DCDC1: variants seen among roughly 807,000 people sequenced by gnomAD.
The protein encoded by DCDC1 is doublecortin domain-containing protein 1.
DCDC1 carries 200 observed loss-of-function variants against 178.3 expected under a neutral mutation model. That is an observed-to-expected ratio of 1.12 (90% CI 1.00 to 1.26). DCDC1 has a LOEUF of 1.26. Ranked by LOEUF, DCDC1 falls within the 50% of genes most tolerant of loss-of-function variation. The probability of loss-of-function intolerance (pLI) is 0.00; values close to 1 mark genes in which losing one functional copy is unlikely to be tolerated. For synonymous variants in DCDC1, 690 were observed against 604.8 expected (o/e 1.14, Z -2.07); for missense variants, 1,983 against 1,749.2 (o/e 1.13, Z -2.38).
chr11:30,878,107 C>A (rs2133958162), intron 38 of DCDC1, among the ~76,000 whole-genome samples: 1 of 152,126 alleles, frequency 6.6e-6, no homozygotes, highest in South Asian at 2.1e-4. Flanking sequence ...TTTCCAGGAA[C>A]AAACTTGAGG....
intron 9 of DCDC1, among the ~76,000 whole-genome samples, chr11:31,148,403 C>A (rs937982104): frequency 5.3e-5 from 8 of 151,372 alleles, no homozygotes; most frequent in African/African-American, 1.9e-4. Flanking sequence ...AAAAAACTAG[C>A]CAGGCATGGG....
intron 37 of DCDC1, among the ~76,000 whole-genome samples, chr11:30,879,474 C>T (rs773912233): frequency 6.6e-6 from 1 of 152,074 alleles, no homozygotes; most frequent in Non-Finnish European, 1.5e-5. Context: ...TCAGAGATTT[C>T]CTGTATCCTG....
intron 9 of DCDC1, among the ~76,000 whole-genome samples, chr11:31,158,139 C>T (rs1965923736): frequency 2.0e-5 from 3 of 152,128 alleles, no homozygotes; most frequent in South Asian, 2.1e-4. Context: ...GACGGAGTCT[C>T]GCTCTGTCAC....
intron 20 of DCDC1, among the ~76,000 whole-genome samples, chr11:30,991,637 A>T (rs1040229154): frequency 4.6e-5 from 7 of 152,110 alleles, no homozygotes; most frequent in African/African-American, 1.7e-4. Flanking sequence ...TGCACATTTG[A>T]TCTCTGCTGT....
In DCDC1 at chr11:30,916,994, C is replaced by G; in HGVS notation, c.3328G>C (p.Ala1110Pro). The G allele has an allele frequency of 1.2e-6, 2 of 1,607,830 alleles. No homozygotes were observed. Among genetic ancestry groups the G allele is most frequent in the Non-Finnish European group, 1.7e-6 (2 of 1,177,430 alleles). ...GCATACCTGGGAAGTGTGTGACAAG[C>G]CTTCATTCGAAGATGAGCTCTTACG... ...SHVRAHLRMK[A>P]CHTLPRYAWQ... is the part of the protein sequence containing the mutation. The change falls in exon 26 of 39, where the codon GCT becomes CCT. Residue 1110 changes from alanine (A) to proline (P), a missense_variant. Coordinates refer to ENST00000684477, the MANE Select transcript of DCDC1 (RefSeq NM_001387274.1).
At chr11:30,948,192 C>T (rs145255480) in intron 21 of DCDC1, among the ~76,000 whole-genome samples, 2,310 of 152,208 alleles carry the variant, frequency 0.015, 63 homozygotes, top group African/African-American at 0.052. Flanking sequence ...AAATGACAAG[C>T]ATTCCTATAC....
intron 9 of DCDC1, among the ~76,000 whole-genome samples, chr11:31,208,419 T>G (rs1972111794): frequency 6.6e-6 from 1 of 152,202 alleles, no homozygotes; most frequent in Non-Finnish European, 1.5e-5. Context: ...TAATTCCTCA[T>G]AATTTTCACT....
intron 21 of DCDC1, among the ~76,000 whole-genome samples, chr11:30,938,981 T>C (rs1402493419): frequency 6.6e-6 from 1 of 152,088 alleles, no homozygotes; most frequent in African/African-American, 2.4e-5. Context: ...ACCCTGTGAG[T>C]CAACTGCTTT....
intron 12 of DCDC1, among the ~76,000 whole-genome samples, chr11:31,107,994 G>A (rs1958963566): frequency 6.6e-6 from 1 of 152,134 alleles, no homozygotes; most frequent in Non-Finnish European, 1.5e-5. Context: ...AATCCCCATT[G>A]AGGGTATATT....
intron 20 of DCDC1, among the ~76,000 whole-genome samples, chr11:30,976,757 A>G (rs1038489803): frequency 6.6e-6 from 1 of 152,186 alleles, no homozygotes; most frequent in Non-Finnish European, 1.5e-5. Context: ...TACAGCCATT[A>G]GGGAAAACAG....
chr11:30,996,145 CA>C (rs1321024721), intron 20 of DCDC1, among the ~76,000 whole-genome samples: 1 of 151,926 alleles, frequency 6.6e-6, no homozygotes, highest in Non-Finnish European at 1.5e-5. Flanking sequence ...ACAGATGGCA[CA>C]AAGCACAGGA....
chr11:31,194,359 T>TG (rs1335985590), intron 9 of DCDC1, among the ~76,000 whole-genome samples: 1 of 152,096 alleles, frequency 6.6e-6, no homozygotes, highest in Non-Finnish European at 1.5e-5. Context: ...TTTAAATAGC[T>TG]GTTACATGGA....
At chr11:31,341,499 G>C (rs1015331378) in intron 1 of DCDC1, among the ~76,000 whole-genome samples, 1 of 152,022 alleles carries the variant, frequency 6.6e-6, no homozygotes, top group African/African-American at 2.4e-5. Flanking sequence ...TGATTTCACT[G>C]GGCAAATATC....
intron 1 of DCDC1, among the ~76,000 whole-genome samples, chr11:31,343,767 A>G (rs1312138574): frequency 6.6e-6 from 1 of 152,104 alleles, no homozygotes; most frequent in Non-Finnish European, 1.5e-5. Context: ...AAAAATACAA[A>G]AAATTAGCTG....
At chr11:31,360,763 T>C (rs945027902) in intron 1 of DCDC1, among the ~76,000 whole-genome samples, 1 of 152,182 alleles carries the variant, frequency 6.6e-6, no homozygotes, top group African/African-American at 2.4e-5. Context: ...GTAGAAAGGA[T>C]TGACTTAAAA....
intron 20 of DCDC1, among the ~76,000 whole-genome samples, chr11:31,017,183 C>A (rs1952533634): frequency 6.6e-6 from 1 of 152,032 alleles, no homozygotes; most frequent in African/African-American, 2.4e-5. Context: ...GTATAGTTGA[C>A]CCTTAAACAA....
intron 6 of DCDC1, among the ~76,000 whole-genome samples, chr11:31,293,354 G>C (rs983797560): frequency 1.3e-5 from 2 of 152,134 alleles, no homozygotes; most frequent in African/African-American, 2.4e-5. Flanking sequence ...CCAGAAATTA[G>C]AAAGAGCAAG....
At chr11:31,192,122 C>G (rs937372765) in intron 9 of DCDC1, among the ~76,000 whole-genome samples, 1 of 152,012 alleles carries the variant, frequency 6.6e-6, no homozygotes, top group South Asian at 2.1e-4. Context: ...TCTCTCGAAT[C>G]TTTTCCTATC....
intron 28 of DCDC1, among the ~76,000 whole-genome samples, chr11:30,909,978 G>A (rs1945332639): frequency 6.6e-6 from 1 of 152,066 alleles, no homozygotes; most frequent in African/African-American, 2.4e-5. Flanking sequence ...GAGCTTAATA[G>A]CAAAGAAGAA....
Sources: allele counts gnomAD v4.1 joint callset (sites outside exome capture counted in the v4.1 genomes callset), GRCh38; gene constraint gnomAD v4.1.1; transcripts MANE v1.5; gene names NCBI Gene and HGNC (gene_info 2026-07-23, HGNC 2026-07-21).